Variants in COL28A1 observed in about 807,000 individuals in gnomAD.
The protein encoded by COL28A1 is collagen type XXVIII alpha 1 chain.
In COL28A1, 161 loss-of-function variants were observed where a neutral mutation model predicts 150.2. The ratio of observed to expected loss-of-function variants is 1.07; its 90% CI spans 0.94 to 1.22. COL28A1 has a LOEUF of 1.22. Among genes scored for constraint, COL28A1 ranks in the 50% most tolerant of loss-of-function variants. The probability of loss-of-function intolerance (pLI) is 0.00; values close to 1 mark genes in which losing one functional copy is unlikely to be tolerated. For synonymous variants in COL28A1, 552 were observed against 469.7 expected (o/e 1.18, Z -2.26); for missense variants, 1,617 against 1,388.3 (o/e 1.16, Z -2.62).
chr7:7,465,156 G>A (rs1001119294), intron 15 of COL28A1, among the ~76,000 whole-genome samples: 6 of 150,958 alleles, frequency 4.0e-5, no homozygotes, highest in Non-Finnish European at 8.9e-5. Flanking sequence ...CGTGAGCGAC[G>A]CAGAAGACGG....
chr7:7,383,766 A>T (rs1294631), intron 27 of COL28A1, among the ~76,000 whole-genome samples: 95,313 of 148,290 alleles, frequency 0.64, 34,798 homozygotes, highest in East Asian at 0.88. Flanking sequence ...AAATAACTGA[A>T]TACAACTTAT....
intron 33 of COL28A1, among the ~76,000 whole-genome samples, chr7:7,365,928 T>C (rs1329381504): frequency 1.3e-5 from 2 of 152,168 alleles, no homozygotes; most frequent in Non-Finnish European, 2.9e-5. Flanking sequence ...GGTTACTTAT[T>C]TGCATTTTAA....
At chr7:7,417,461 T>C (rs1784142809) in intron 27 of COL28A1, among the ~76,000 whole-genome samples, 1 of 131,518 alleles carries the variant, frequency 7.6e-6, no homozygotes, top group South Asian at 2.5e-4. Context: ...AGCCCTGGGC[T>C]ACCATGGAGG....
intron 3 of COL28A1, among the ~76,000 whole-genome samples, chr7:7,525,207 T>C (rs560454568): frequency 6.6e-6 from 1 of 152,364 alleles, no homozygotes; most frequent in East Asian, 1.9e-4. Flanking sequence ...TCAACTGAGG[T>C]AACACACTTG....
intron 13 of COL28A1, among the ~76,000 whole-genome samples, 186 bp downstream of exon 13, chr7:7,489,203 G>C (rs1296315637): frequency 6.6e-6 from 1 of 152,190 alleles, no homozygotes; most frequent in African/African-American, 2.4e-5. Flanking sequence ...CCAGGAGGTG[G>C]TGGTTGCAGT....
intron 16 of COL28A1, 43 bp from the exon 17 acceptor site, chr7:7,453,551 T>G: frequency 1.2e-6 from 1 of 842,684 alleles, no homozygotes; most frequent in Non-Finnish European, 2.0e-6. Context: ...TGAAATGAAG[T>G]AGTTTCAAAT....
At chr7:7,415,136 A>C (rs939381911) in intron 27 of COL28A1, among the ~76,000 whole-genome samples, 1 of 152,152 alleles carries the variant, frequency 6.6e-6, no homozygotes, top group Non-Finnish European at 1.5e-5. Flanking sequence ...TATTTCTCCC[A>C]TAAGTGGAAG....
chr7:7,357,172 C>G (rs997017402), downstream of COL28A1: 1 of 152,326 alleles, frequency 6.6e-6, no homozygotes, highest in Admixed American at 6.5e-5. Flanking sequence ...GCCTCAGCCA[C>G]CTGGGTAACT....
intron 13 of COL28A1, among the ~76,000 whole-genome samples, chr7:7,480,719 C>T (rs59521144): frequency 3.3e-5 from 5 of 152,110 alleles, no homozygotes; most frequent in Non-Finnish European, 4.4e-5. Flanking sequence ...AGCAGGTAAA[C>T]GGCATTGTGC....
At chr7:7,452,771 C>T (rs17167922) in intron 17 of COL28A1, among the ~76,000 whole-genome samples, 59,969 of 152,076 alleles carry the variant, frequency 0.39, 14,972 homozygotes, top group African/African-American at 0.72. Flanking sequence ...GAACGCAACT[C>T]AAGCTTTCAA....
At chr7:7,371,934 G>A (rs1262493343) in intron 32 of COL28A1, among the ~76,000 whole-genome samples, 1 of 151,936 alleles carries the variant, frequency 6.6e-6, no homozygotes, top group East Asian at 2.0e-4. Context: ...CCAGGTTCCA[G>A]CAATTCTTCC....
intron 27 of COL28A1, among the ~76,000 whole-genome samples, chr7:7,385,140 T>G (rs948598168): frequency 2.0e-5 from 3 of 152,102 alleles, no homozygotes; most frequent in African/African-American, 4.8e-5. Context: ...CAAACGCAAA[T>G]AGTATAGGAA....
intron 26 of COL28A1, among the ~76,000 whole-genome samples, chr7:7,418,345 G>C (rs1416669196): frequency 6.6e-6 from 1 of 152,228 alleles, no homozygotes; most frequent in Non-Finnish European, 1.5e-5. Flanking sequence ...TTTCACTGGG[G>C]TTGCACTTAA....
In COL28A1 at chr7:7,524,219, TG is replaced by T; in HGVS notation, c.702+9del. On this transcript the variant is annotated intron_variant, in intron 4 of 34. Transcript: ENST00000399429. ...AGTAATTCGTAGTAATCAAAGCATG[TG>T]GTGCTTACCTTCTTTTCAAATAAGA... 8.0e-7 allele frequency: 1 copy of T among 1,255,658 alleles called. No homozygotes were observed. Among genetic ancestry groups the T allele is most frequent in the Non-Finnish European group, 1.2e-6 (1 of 852,936 alleles). 77.8% of individuals were successfully genotyped at this position (1,255,658 alleles called of 1,614,324 possible). A position where few individuals can be genotyped will look rare whatever the true frequency, so the allele number is the denominator to read the frequency against.
intron 25 of COL28A1, among the ~76,000 whole-genome samples, chr7:7,429,443 CTCTT>C (rs542651403): frequency 0.031 from 3,366 of 107,306 alleles, 153 homozygotes; most frequent in African/African-American, 0.14. Context: ...CACACACACT[CTCTT>C]TCTCTCTGTG....
At chr7:7,362,659 A>C (rs1028149611) in intron 33 of COL28A1, among the ~76,000 whole-genome samples, 6 of 152,194 alleles carry the variant, frequency 3.9e-5, no homozygotes, top group African/African-American at 1.4e-4. Context: ...AGGGCACACA[A>C]TTCAAATACA....
chr7:7,428,671 G>A (rs562064490), intron 25 of COL28A1, among the ~76,000 whole-genome samples: 3 of 152,202 alleles, frequency 2.0e-5, no homozygotes, highest in Non-Finnish European at 2.9e-5. Flanking sequence ...CCCCATCAAC[G>A]AGCCAGGAGA....
intron 8 of COL28A1, among the ~76,000 whole-genome samples, chr7:7,512,827 T>C (rs1168429084): frequency 6.6e-6 from 1 of 152,236 alleles, no homozygotes; most frequent in Non-Finnish European, 1.5e-5. Context: ...CCTAGTCCAG[T>C]GCTCTCAACA....
chr7:7,424,125 T>C (rs1027036436), intron 25 of COL28A1, among the ~76,000 whole-genome samples: 1 of 152,254 alleles, frequency 6.6e-6, no homozygotes, highest in East Asian at 1.9e-4. Context: ...GTGAATCTAA[T>C]AGACTTTAAA....
Sources: allele counts gnomAD v4.1 joint callset (sites outside exome capture counted in the v4.1 genomes callset), GRCh38; gene constraint gnomAD v4.1.1; transcripts MANE v1.5; gene names NCBI Gene and HGNC (gene_info 2026-07-23, HGNC 2026-07-21).